Variants in BTBD8 observed in about 807,000 individuals in gnomAD.
The protein encoded by BTBD8 is BTB domain containing 8.
BTBD8 carries 110 observed loss-of-function variants against 162.9 expected under a neutral mutation model. The observed-to-expected ratio is 0.68, with a 90% CI of 0.58 to 0.79. The LOEUF is 0.79. BTBD8 is among the 30% of genes least tolerant of loss of function. BTBD8 has a pLI of 0.00. For missense variants in BTBD8, 1,905 were observed against 2,085.4 expected (o/e 0.91, Z 1.68); for synonymous variants, 667 against 716.1 (o/e 0.93, Z 1.10).
chr1:92,099,108 A>G (rs983283310), intron 2 of BTBD8, among the ~76,000 whole-genome samples: 3 of 152,136 alleles, frequency 2.0e-5, no homozygotes, highest in Non-Finnish European at 4.4e-5. Flanking sequence ...ATTCTTTTGC[A>G]TTTGGATGTT....
Position 92,080,604 on chromosome 1 carries a change from C to T in BTBD8, c.33C>T (p.Pro11=), listed in dbSNP as rs371336896. The T allele has an allele frequency of 4.3e-6, 7 of 1,613,924 alleles. No homozygotes were observed. The highest frequency in any genetic ancestry group is 1.7e-5 in the Admixed American group (1 of 60,002). MARCGEGSAA[P]MVLLGSAGVC... ...GCTGTGGGGAAGGCAGTGCGGCCCCCATGGTACTTCTGGGGTCCGCTGGAG... is the reference window on the plus strand; with the variant it reads ...GCTGTGGGGAAGGCAGTGCGGCCCCTATGGTACTTCTGGGGTCCGCTGGAG... Residue 11 remains proline, a synonymous_variant, in exon 1 of 18, where the codon CCC becomes CCT. Coordinates refer to ENST00000636805, the MANE Select transcript of BTBD8 (RefSeq NM_001376131.1).
intron 9 of BTBD8, among the ~76,000 whole-genome samples, chr1:92,149,678 C>G (rs150551073): frequency 6.6e-6 from 1 of 152,318 alleles, no homozygotes; most frequent in East Asian, 1.9e-4. Flanking sequence ...AAGGCTGGAA[C>G]ACTACTGCAA....
chr1:92,082,078 A>G (rs1648034114), intron 1 of BTBD8, among the ~76,000 whole-genome samples: 1 of 152,222 alleles, frequency 6.6e-6, no homozygotes, highest in East Asian at 1.9e-4. Flanking sequence ...TTCTAGGGTA[A>G]CACATCTAAT....
intron 9 of BTBD8, among the ~76,000 whole-genome samples, chr1:92,156,144 T>C (rs1417497025): frequency 1.3e-5 from 2 of 152,224 alleles, no homozygotes; most frequent in Non-Finnish European, 2.9e-5. Flanking sequence ...AGTAATTGAA[T>C]CTTGTCAAAT....
At chr1:92,093,102 A>G (rs1304761495) in intron 2 of BTBD8, among the ~76,000 whole-genome samples, 1 of 152,144 alleles carries the variant, frequency 6.6e-6, no homozygotes, top group African/African-American at 2.4e-5. Flanking sequence ...CTATAATTTA[A>G]GCAGATACTT....
chr1:92,130,520 ATATATAT>A lies in BTBD8; in HGVS notation c.752+745_752+751del, dbSNP rs1365268072. 1.7e-4 allele frequency among the ~76,000 whole-genome samples: 25 copies of A among 144,714 alleles called. No individual in the cohort carries two copies. In the East Asian group the frequency reaches 4.8e-3, roughly 28 times the overall value. The allele number at this position is 144,714 out of a possible 152,430, so 94.9% of individuals were successfully genotyped here. Reference sequence around the variant, plus strand: ...AGAGCCAAACCCTGTCTCAAAAAAAATATATATATATATATATTTACACACACACACA... The same window carrying A: ...AGAGCCAAACCCTGTCTCAAAAAAAAATATATATATTTACACACACACACA... On this transcript the variant is annotated intron_variant, in intron 5 of 17. Coordinates refer to ENST00000636805, the MANE Select transcript of BTBD8 (RefSeq NM_001376131.1).
Position 92,182,103 on chromosome 1 carries a change from G to A in BTBD8, c.4420G>A (p.Gly1474Ser), listed in dbSNP as rs951787610. The change falls in exon 17 of 18, where the codon GGC (glycine) becomes AGC (serine). Residue 1474 changes from glycine (G) to serine (S), a missense_variant. Around this residue, in one of 3 missense-constraint regions of BTBD8, gnomAD observed 517 missense variants for 606.6 expected, o/e 0.85. Coordinates refer to ENST00000636805, the MANE Select transcript of BTBD8 (RefSeq NM_001376131.1). ...TTTTTCACCTTCTGATGTTTTTGAT[G>A]GCATTTCTCATGAACATCATGGAAG... Reference protein sequence around the residue: ...DSFSPSDVFDGISHEHHGRTC... With the variant: ...DSFSPSDVFDSISHEHHGRTC... The A allele has an allele frequency of 6.4e-7, 1 of 1,551,336 alleles. No individual in the cohort carries two copies. The highest frequency in any genetic ancestry group is 1.4e-5 in the African/African-American group (1 of 73,006).
chr1:92,176,031 A>G (rs1650700606), intron 13 of BTBD8, among the ~76,000 whole-genome samples: 2 of 152,104 alleles, frequency 1.3e-5, no homozygotes, highest in African/African-American at 4.8e-5. Flanking sequence ...AGCCAGTGCT[A>G]TACTAGTATC....
At chr1:92,176,380 A>G (rs1650710530) in intron 13 of BTBD8, among the ~76,000 whole-genome samples, 1 of 152,214 alleles carries the variant, frequency 6.6e-6, no homozygotes, top group Non-Finnish European at 1.5e-5. Flanking sequence ...TGTCTAAGAA[A>G]TAGAAACAGC....
chr1:92,182,471 C>T lies in BTBD8; in HGVS notation c.4788C>T (p.Asp1596=). ...LDLHQREPNS[D]IPKNSSTKSL... ...TTCATCAAAGAGAACCCAATTCTGA[C>T]ATACCAAAGAACAGCTCTACAAAAT... The change falls in exon 17 of 18, where the codon GAC becomes GAT. Residue 1596 remains aspartate (D), a synonymous_variant. Coordinates refer to ENST00000636805, the MANE Select transcript of BTBD8 (RefSeq NM_001376131.1). The T allele has an allele frequency of 6.4e-7, 1 of 1,551,588 alleles. No homozygotes were observed. Among genetic ancestry groups the T allele is most frequent in the Non-Finnish European group, 8.7e-7 (1 of 1,146,846 alleles).
At chr1:92,104,431 A>G (rs920668789) in intron 3 of BTBD8, among the ~76,000 whole-genome samples, 4 of 152,236 alleles carry the variant, frequency 2.6e-5, no homozygotes, top group African/African-American at 7.2e-5. Flanking sequence ...GATGTTATCA[A>G]TAAGACCCAG....
In BTBD8 at chr1:92,175,477, CAAAAAA is replaced by C. The variant is rs71091265; in HGVS notation, c.1636-1335_1636-1330del. ...CTGGCAACAGAGCAAGACTCCATCT[CAAAAAA>C]AAAAAAAAAAAAAAAAGAATGACAA... On this transcript the variant is annotated intron_variant, in intron 13 of 17. Transcript: ENST00000636805. Among the ~76,000 whole-genome samples the C allele has an allele frequency of 4.0e-4, 15 of 37,438 alleles. 1 individual carries two copies. Among genetic ancestry groups the C allele is most frequent in the African/African-American group, 1.5e-3 (15 of 10,234 alleles). 24.6% of individuals were successfully genotyped at this position (37,438 alleles called of 152,430 possible).
intron 9 of BTBD8, among the ~76,000 whole-genome samples, chr1:92,156,239 T>C (rs1650156438): frequency 6.6e-6 from 1 of 152,358 alleles, no homozygotes; most frequent in Non-Finnish European, 1.5e-5. Flanking sequence ...TTTACATATG[T>C]TAAATCATCC....
chr1:92,086,128 T>C (rs1648152596), intron 1 of BTBD8, among the ~76,000 whole-genome samples: 1 of 152,172 alleles, frequency 6.6e-6, no homozygotes, highest in African/African-American at 2.4e-5. Flanking sequence ...TGGTTTAAGA[T>C]ACAATTGATC....
chr1:92,159,913 G>C (rs1650243978), intron 9 of BTBD8, among the ~76,000 whole-genome samples: 1 of 152,070 alleles, frequency 6.6e-6, no homozygotes, highest in Non-Finnish European at 1.5e-5. Flanking sequence ...TGGGCTTCCT[G>C]GATGTGGATG....
intron 4 of BTBD8, chr1:92,125,838 G>A (rs1649340347): frequency 2.5e-6 from 1 of 407,464 alleles, no homozygotes; most frequent in Admixed American, 2.8e-5. Flanking sequence ...TGATGAAGGG[G>A]ATAACTTCTA....
chr1:92,172,504 AT>A (rs990272082), intron 13 of BTBD8, among the ~76,000 whole-genome samples: 1 of 152,198 alleles, frequency 6.6e-6, no homozygotes. Flanking sequence ...CCTGAAATAA[AT>A]TTGTCTTCCC....
At chr1:92,146,835 GTTTA>G (rs1649936153) in intron 7 of BTBD8, among the ~76,000 whole-genome samples, 2 of 152,140 alleles carry the variant, frequency 1.3e-5, no homozygotes, top group South Asian at 4.1e-4. Flanking sequence ...ATGTACTACA[GTTTA>G]TTTATCCATT....
intron 9 of BTBD8, among the ~76,000 whole-genome samples, chr1:92,157,758 C>T (rs1321801093): frequency 6.6e-6 from 1 of 152,086 alleles, no homozygotes; most frequent in Non-Finnish European, 1.5e-5. Context: ...CCTCCCATCT[C>T]AGCCTTCTGA....
Sources: gnomAD v4.1 joint callset for allele counts (sites outside exome capture counted in the v4.1 genomes callset) on GRCh38, gnomAD v4.1.1 for gene constraint, gnomAD v4.1.1 regional missense constraint, MANE v1.5 for transcripts, NCBI Gene and HGNC (gene_info 2026-07-23, HGNC 2026-07-21) for gene names.